The following ATXN8OS variants were observed in gnomAD, a reference collection of about 807,000 sequenced individuals.
ATXN8OS encodes the protein ATXN8 opposite strand (non-protein coding).
chr13:70,166,357 T>A (rs1297513762), intron 4 of ATXN8OS, among the ~76,000 whole-genome samples: 1 of 151,714 alleles, frequency 6.6e-6, no homozygotes, highest in African/African-American at 2.4e-5. Flanking sequence ...TCAGAAATAA[T>A]CCGCATATCT....
chr13:70,115,684 G>C (rs1254737521), intron 2 of ATXN8OS, among the ~76,000 whole-genome samples: 1 of 152,090 alleles, frequency 6.6e-6, no homozygotes, highest in African/African-American at 2.4e-5. Flanking sequence ...GTAAATAATG[G>C]ATGGTTTTGA....
chr13:70,108,292 T>C (rs563525771), intron 1 of ATXN8OS: 6 of 353,984 alleles, frequency 1.7e-5, no homozygotes, highest in Admixed American at 4.7e-5. Flanking sequence ...GATGCCCCGA[T>C]AGCCTGCCGG....
rs1436504114 is a variant in ATXN8OS, at chr13:70,139,374, A to ACTG, written n.500-7979_500-7978insGCT. On this transcript the variant is annotated intron_variant and non_coding_transcript_variant, in intron 3 of 4. Transcript: ENST00000678624. ...CTTTACTACTACTACTACTACTACT[A>ACTG]CTACTACTACTGCTGCTGCTGCTGC... is the stretch of plus-strand genomic sequence containing the variant. The ACTG allele has an allele frequency of 2.8e-4, 181 of 648,850 alleles. 4 individuals carry two copies. The highest frequency in any genetic ancestry group is 2.6e-3 in the African/African-American group (102 of 39,432). The allele number at this position is 648,850 out of a possible 1,614,324, so 40.2% of individuals were successfully genotyped here.
At chr13:70,126,537 CCTAT>C (rs1228430727) in intron 2 of ATXN8OS, among the ~76,000 whole-genome samples, 3 of 151,710 alleles carry the variant, frequency 2.0e-5, no homozygotes, top group Non-Finnish European at 2.9e-5. Context: ...TCTCTCTATA[CCTAT>C]CTATCTGTGT....
At chr13:70,160,210 A>G (rs183063800) in intron 4 of ATXN8OS, among the ~76,000 whole-genome samples, 1 of 152,140 alleles carries the variant, frequency 6.6e-6, no homozygotes, top group East Asian at 1.9e-4. Flanking sequence ...ATTTTCATAT[A>G]TTGTATTTGT....
At chr13:70,130,986 G>A (rs1888525067) in intron 3 of ATXN8OS, 1 of 398,494 alleles carries the variant, frequency 2.5e-6, no homozygotes, top group Non-Finnish European at 4.4e-6. Flanking sequence ...CTTATTGGGA[G>A]TAAGAACACT....
At chr13:70,144,900 T>C (rs1593771117) in intron 3 of ATXN8OS, among the ~76,000 whole-genome samples, 1 of 152,152 alleles carries the variant, frequency 6.6e-6, no homozygotes, top group Non-Finnish European at 1.5e-5. Context: ...TTTGGCTAGG[T>C]AGATTTGTAA....
At chr13:70,143,741 T>C (rs1888746748) in intron 3 of ATXN8OS, among the ~76,000 whole-genome samples, 1 of 152,154 alleles carries the variant, frequency 6.6e-6, no homozygotes, top group South Asian at 2.1e-4. Flanking sequence ...TCTATGAAGA[T>C]TTTTATGGCA....
At chr13:70,114,825 A>G (rs1888250575) in intron 1 of ATXN8OS, among the ~76,000 whole-genome samples, 1 of 152,136 alleles carries the variant, frequency 6.6e-6, no homozygotes, top group Admixed American at 6.5e-5. Flanking sequence ...ACTGGCCACT[A>G]ATATTTTCTT....
intron 2 of ATXN8OS, among the ~76,000 whole-genome samples, chr13:70,128,765 G>A (rs769280226): frequency 1.1e-4 from 16 of 151,766 alleles, no homozygotes; most frequent in Non-Finnish European, 1.6e-4. Flanking sequence ...AGCCCTCAAT[G>A]TTCGTATATC....
At chr13:70,130,871 T>C (rs577599697) in intron 3 of ATXN8OS, 18 of 398,438 alleles carry the variant, frequency 4.5e-5, no homozygotes, top group African/African-American at 3.7e-4. Context: ...CAGCAAATCA[T>C]ACAAGAAGGT....
chr13:70,112,916 T>C (rs1399199595), intron 1 of ATXN8OS, among the ~76,000 whole-genome samples: 5 of 64,466 alleles, frequency 7.8e-5, no homozygotes, highest in Non-Finnish European at 1.5e-4. Flanking sequence ...ACTTTATATA[T>C]ATAATTTTTT....
chr13:70,144,309 C>G (rs1050747411), intron 3 of ATXN8OS, among the ~76,000 whole-genome samples: 5 of 152,042 alleles, frequency 3.3e-5, no homozygotes, highest in African/African-American at 4.8e-5. Context: ...TCCCTCTTTG[C>G]GTGACCTGTA....
At chr13:70,108,217 C>T (rs1888125939) in intron 1 of ATXN8OS, 1 of 393,750 alleles carries the variant, frequency 2.5e-6, no homozygotes, top group Non-Finnish European at 4.5e-6. Flanking sequence ...CCCCAAGTCT[C>T]GAGGAAGCGT....
At chr13:70,119,610 T>TG (rs1347488874) in intron 2 of ATXN8OS, among the ~76,000 whole-genome samples, 3 of 152,058 alleles carry the variant, frequency 2.0e-5, no homozygotes, top group Non-Finnish European at 4.4e-5. Context: ...AACTTTAAAG[T>TG]GAAAAAAATA....
chr13:70,134,715 G>A (rs61964564), intron 3 of ATXN8OS, among the ~76,000 whole-genome samples: 9,843 of 152,232 alleles, frequency 0.065, 522 homozygotes, highest in East Asian at 0.28. Context: ...CTACAGTGGC[G>A]TGCCTCAGTC....
chr13:70,110,414 G>A (rs966451219), intron 1 of ATXN8OS, among the ~76,000 whole-genome samples: 4 of 151,918 alleles, frequency 2.6e-5, no homozygotes, highest in Non-Finnish European at 5.9e-5. Flanking sequence ...ATGAAGTTAT[G>A]TTAAACTGAA....
intron 2 of ATXN8OS, among the ~76,000 whole-genome samples, chr13:70,121,115 A>C (rs1888354908): frequency 6.6e-6 from 1 of 152,142 alleles, no homozygotes. Context: ...TGAGGTTAGA[A>C]CTGATCTAAA....
chr13:70,154,553 A>C (rs1364746838), intron 4 of ATXN8OS, among the ~76,000 whole-genome samples: 1 of 152,172 alleles, frequency 6.6e-6, no homozygotes, highest in African/African-American at 2.4e-5. Flanking sequence ...AAATTAAAGA[A>C]AGATAAAATT....
Sources: allele counts gnomAD v4.1 joint callset (sites outside exome capture counted in the v4.1 genomes callset), GRCh38; gene constraint gnomAD v4.1.1; transcripts MANE v1.5; gene names NCBI Gene and HGNC (gene_info 2026-07-23, HGNC 2026-07-21).